Variants in TYR observed in about 807,000 individuals in gnomAD.
The protein encoded by TYR is LB24-AB.
A neutral mutation model predicts 51.5 loss-of-function variants in TYR; 58 were observed. The observed-to-expected ratio is 1.13, with a 90% confidence interval of 0.91 to 1.40. TYR has a LOEUF of 1.40. Among genes scored for constraint, TYR ranks in the 40% most tolerant of loss-of-function variants. The pLI, the probability that TYR is intolerant of heterozygous loss-of-function variation, is 0.00. For missense variants in TYR, 732 were observed against 647.4 expected, an observed-to-expected ratio of 1.13 and a Z score of -1.42; for synonymous variants, 263 against 235.2, an observed-to-expected ratio of 1.12 and a Z score of -1.08.
chr11:89,233,108 G>A lies in TYR; in HGVS notation c.1184+5138G>A, dbSNP rs549641135. Among the ~76,000 whole-genome samples the A allele has an allele frequency of 5.3e-4, 76 of 143,936 alleles. 10 individuals are homozygous for A. The highest frequency in any genetic ancestry group is 1.6e-3 in the South Asian group (7 of 4,386). The allele number at this position is 143,936 out of a possible 152,430, so 94.4% of individuals were successfully genotyped here. A position where few individuals can be genotyped will look rare whatever the true frequency, so the allele number is the denominator to read the frequency against. The stretch of plus-strand genomic sequence containing the variant: ...GGACTCAATCTTCTGAAAGCCTGCT[G>A]CTGCTTTATCAACTAGGTTTATCTG... On this transcript the variant is annotated intron_variant, in intron 3 of 4. Coordinates refer to ENST00000263321, the MANE Select transcript of TYR (RefSeq NM_000372.5).
rs537269662 is a variant in TYR, at chr11:89,271,531, TTCTGGTAGGTCAGACC to T, written c.1185-13230_1185-13215del. On this transcript the variant is annotated intron_variant, in intron 3 of 4. Transcript: ENST00000263321. Reference sequence around the variant, plus strand: ...AACCTTCAGCAAGTTGTGATCTTTTTTCTGGTAGGTCAGACCTCTGGTAGGTCTAGCAGGTTGATGG... The same window carrying T: ...AACCTTCAGCAAGTTGTGATCTTTTTTCTGGTAGGTCTAGCAGGTTGATGG... Among the ~76,000 whole-genome samples, 47 of 152,076 alleles carry T rather than the reference TTCTGGTAGGTCAGACC, an allele frequency of 3.1e-4. 1 individual carries two copies. In the East Asian group the frequency reaches 7.0e-3, roughly 23 times the overall value.
intron 3 of TYR, among the ~76,000 whole-genome samples, chr11:89,249,767 G>A (rs891721073): frequency 6.6e-6 from 1 of 152,018 alleles, no homozygotes; most frequent in African/African-American, 2.4e-5. Flanking sequence ...ATATGTATTA[G>A]AGAATGATTA....
Position 89,191,305 on chromosome 11 carries a change from G to A in TYR, c.923G>A (p.Arg308Lys). ...AATCCTGGAAACCATGACAAATCCA[G>A]AACCCCAAGGCTCCCCTCTTCAGCT... ...RRNPGNHDKSRTPRLPSSADV... is the reference protein window; with the variant it reads ...RRNPGNHDKSKTPRLPSSADV... Residue 308 changes from arginine to lysine, a missense_variant, in exon 2 of 5, where the codon AGA (arginine) becomes AAA (lysine). Transcript: ENST00000263321. The A allele has an allele frequency of 6.2e-7, 1 of 1,613,668 alleles. No homozygotes were observed. Among genetic ancestry groups the A allele is most frequent in the Non-Finnish European group, 8.5e-7 (1 of 1,179,784 alleles).
chr11:89,226,380 T>C (rs1216096707), intron 2 of TYR, among the ~76,000 whole-genome samples: 6 of 152,134 alleles, frequency 3.9e-5, no homozygotes, highest in Non-Finnish European at 8.8e-5. Context: ...CATAAAATTA[T>C]GTCAAGATCT....
intron 3 of TYR, among the ~76,000 whole-genome samples, chr11:89,241,530 A>T (rs1186625447): frequency 1.3e-5 from 2 of 151,992 alleles, no homozygotes; most frequent in African/African-American, 4.8e-5. Flanking sequence ...TTATTAATTC[A>T]ATGAATCTAT....
At chr11:89,217,922 C>A (rs1469734217) in intron 2 of TYR, among the ~76,000 whole-genome samples, 1 of 152,020 alleles carries the variant, frequency 6.6e-6, no homozygotes, top group African/African-American at 2.4e-5. Flanking sequence ...TGGTATTTCC[C>A]AAAAATTTAT....
intron 3 of TYR, among the ~76,000 whole-genome samples, chr11:89,239,779 T>C (rs933041334): frequency 3.3e-5 from 5 of 152,168 alleles, no homozygotes; most frequent in African/African-American, 1.2e-4. Context: ...ATTTCCTTTT[T>C]AATGTTTTAA....
intron 2 of TYR, among the ~76,000 whole-genome samples, chr11:89,226,573 C>G (rs1344142971): frequency 6.6e-6 from 1 of 152,100 alleles, no homozygotes; most frequent in East Asian, 1.9e-4. Context: ...GAGGAAAAAA[C>G]ATCACTACCC....
In TYR at chr11:89,233,851, A is replaced by G. The variant is rs1033514330; in HGVS notation, c.1184+5881A>G. Among the ~76,000 whole-genome samples the G allele has an allele frequency of 3.3e-5, 4 of 120,492 alleles. 1 individual carries two copies. The highest frequency in any genetic ancestry group is 3.0e-4 in the Admixed American group (4 of 13,174). The allele number at this position is 120,492 out of a possible 152,430, so 79.0% of individuals were successfully genotyped here. A position where few individuals can be genotyped will look rare whatever the true frequency, so the allele number is the denominator to read the frequency against. ...TTCATTTAAACAACAAAGGCAGAGT[A>G]GATTTAGAGTATTTCATAATGGGAG... On this transcript the variant is annotated intron_variant, in intron 3 of 4. Coordinates refer to ENST00000263321, the MANE Select transcript of TYR (RefSeq NM_000372.5).
chr11:89,259,143 A>G (rs568712769), intron 3 of TYR, among the ~76,000 whole-genome samples: 58 of 152,200 alleles, frequency 3.8e-4, no homozygotes, highest in African/African-American at 1.4e-3. Flanking sequence ...CCCAAAATGA[A>G]TGAGTCTAGA....
At chr11:89,228,559 A>G (rs984875766) in intron 3 of TYR, among the ~76,000 whole-genome samples, 4 of 152,228 alleles carry the variant, frequency 2.6e-5, no homozygotes, top group African/African-American at 9.6e-5. Flanking sequence ...TCTGTCATCA[A>G]TACATCTTTC....
chr11:89,202,279 C>T (rs767093409), intron 2 of TYR, among the ~76,000 whole-genome samples: 106 of 152,156 alleles, frequency 7.0e-4, no homozygotes, highest in Non-Finnish European at 1.1e-3. Flanking sequence ...TTGAGGTTGT[C>T]TACAGTGGAT....
chr11:89,219,256 T>C (rs527711431), intron 2 of TYR, among the ~76,000 whole-genome samples: 1 of 151,760 alleles, frequency 6.6e-6, no homozygotes, highest in African/African-American at 2.4e-5. Flanking sequence ...TAAATTAAAC[T>C]TATATCCAAA....
intron 1 of TYR, among the ~76,000 whole-genome samples, chr11:89,179,271 GAA>G (rs1943270297): frequency 1.3e-5 from 2 of 152,138 alleles, no homozygotes; most frequent in Non-Finnish European, 2.9e-5. Context: ...AGAGTCCCGA[GAA>G]GGCACAATTT....
chr11:89,191,090 A>C (rs1943437027), intron 1 of TYR, 112 bp from the exon 2 acceptor site: 1 of 903,792 alleles, frequency 1.1e-6, no homozygotes, highest in Non-Finnish European at 1.8e-6. Context: ...TGATTGTAGT[A>C]ATCTCCTCAG....
intron 3 of TYR, among the ~76,000 whole-genome samples, chr11:89,275,603 G>T (rs998505699): frequency 6.6e-6 from 1 of 151,878 alleles, no homozygotes; most frequent in East Asian, 1.9e-4. Context: ...AAATTTAAAA[G>T]AGTTTAATTG....
chr11:89,222,816 G>A (rs1007503183), intron 2 of TYR, among the ~76,000 whole-genome samples: 1 of 152,132 alleles, frequency 6.6e-6, no homozygotes, highest in Non-Finnish European at 1.5e-5. Flanking sequence ...GCTTGCAAAT[G>A]TTAAGGCATA....
chr11:89,285,550 G>A (rs1468951114), intron 4 of TYR, among the ~76,000 whole-genome samples: 3 of 151,694 alleles, frequency 2.0e-5, no homozygotes, highest in South Asian at 4.2e-4. Flanking sequence ...AATTAGATTT[G>A]AGCTCTAAAT....
intron 2 of TYR, among the ~76,000 whole-genome samples, chr11:89,209,979 A>G (rs925414255): frequency 1.3e-5 from 2 of 152,206 alleles, no homozygotes; most frequent in African/African-American, 4.8e-5. Flanking sequence ...TACATCAAAG[A>G]CCAAAGGTAG....
Sources: gnomAD v4.1 joint callset for allele counts (sites outside exome capture counted in the v4.1 genomes callset) on GRCh38, gnomAD v4.1.1 for gene constraint, MANE v1.5 for transcripts, NCBI Gene and HGNC (gene_info 2026-07-23, HGNC 2026-07-21) for gene names.